LTBP1: variants seen among roughly 807,000 people sequenced by gnomAD.
The protein encoded by LTBP1 is latent-transforming growth factor beta-binding protein 1.
In LTBP1, 129 loss-of-function variants were observed where a neutral mutation model predicts 207.6. The ratio of observed to expected loss-of-function variants is 0.62; its 90% confidence interval spans 0.54 to 0.72. The LOEUF is 0.72. LTBP1 is among the 30% of genes least tolerant of loss of function. The probability of loss-of-function intolerance (pLI) is 0.00; values close to 1 mark genes in which losing one functional copy is unlikely to be tolerated. For synonymous variants in LTBP1, 963 were observed against 833.7 expected, an observed-to-expected ratio of 1.16 and a Z score of -2.67; for missense variants, 2,281 against 2,217.2, an observed-to-expected ratio of 1.03 and a Z score of -0.58.
intron 10 of LTBP1, among the ~76,000 whole-genome samples, chr2:33,249,558 T>C (rs1344919820): frequency 2.0e-5 from 3 of 152,234 alleles, no homozygotes; most frequent in Non-Finnish European, 1.5e-5. Flanking sequence ...GCCATCACCA[T>C]GGGCTGTATG....
intron 25 of LTBP1, among the ~76,000 whole-genome samples, chr2:33,345,534 A>T (rs1461604640): frequency 6.6e-6 from 1 of 152,212 alleles, no homozygotes; most frequent in Non-Finnish European, 1.5e-5. Context: ...GTGAACTGGC[A>T]ATTTCTTAAG....
intron 2 of LTBP1, among the ~76,000 whole-genome samples, chr2:32,965,144 C>A (rs1161906982): frequency 6.6e-6 from 1 of 152,116 alleles, no homozygotes; most frequent in African/African-American, 2.4e-5. Context: ...AGCAATAGCT[C>A]CATGGTCAAA....
chr2:32,955,958 T>A (rs1182747024), intron 2 of LTBP1, among the ~76,000 whole-genome samples: 1 of 152,174 alleles, frequency 6.6e-6, no homozygotes, highest in East Asian at 1.9e-4. Flanking sequence ...GAGTCACAAA[T>A]TTTTTGGTTT....
At chr2:33,008,590 A>G (rs1338608254) in intron 2 of LTBP1, among the ~76,000 whole-genome samples, 2 of 152,214 alleles carry the variant, frequency 1.3e-5, no homozygotes, top group Non-Finnish European at 2.9e-5. Context: ...GCCCTCATTC[A>G]TGCATTTACT....
chr2:32,966,960 C>T (rs964459245), intron 2 of LTBP1, among the ~76,000 whole-genome samples: 2 of 151,930 alleles, frequency 1.3e-5, no homozygotes, highest in Non-Finnish European at 2.9e-5. Context: ...ATACTTTCTC[C>T]CTGAAATGTT....
At chr2:33,076,629 C>T (rs907715774) in intron 3 of LTBP1, among the ~76,000 whole-genome samples, 6 of 152,030 alleles carry the variant, frequency 3.9e-5, no homozygotes, top group South Asian at 2.1e-4. Flanking sequence ...CTCTGCCTCC[C>T]GGGTTCAAGT....
At chr2:33,336,923 T>C (rs901807776) in intron 24 of LTBP1, among the ~76,000 whole-genome samples, 17 of 152,230 alleles carry the variant, frequency 1.1e-4, no homozygotes, top group Non-Finnish European at 1.5e-5. Context: ...TATGTACAGA[T>C]ACACATAGAC....
intron 9 of LTBP1, among the ~76,000 whole-genome samples, chr2:33,226,032 G>A (rs1171030842): frequency 2.0e-5 from 3 of 152,140 alleles, no homozygotes; most frequent in South Asian, 2.1e-4. Context: ...GACTGGTGCT[G>A]CAATAATAAG....
chr2:32,977,685 A>G (rs1321271381), intron 2 of LTBP1, among the ~76,000 whole-genome samples: 1 of 152,166 alleles, frequency 6.6e-6, no homozygotes, highest in Admixed American at 6.5e-5. Context: ...GTCCTTGTGG[A>G]AAGTGTGAAT....
intron 24 of LTBP1, among the ~76,000 whole-genome samples, chr2:33,325,734 AG>A (rs1201697670): frequency 6.6e-6 from 1 of 152,254 alleles, no homozygotes; most frequent in East Asian, 1.9e-4. Flanking sequence ...TAATACCTAA[AG>A]AACTGTTTCT....
At chr2:33,259,697 A>C in intron 13 of LTBP1, 87 bp downstream of exon 13, 2 of 1,240,216 alleles carry the variant, frequency 1.6e-6, no homozygotes, top group Non-Finnish European at 2.3e-6. Flanking sequence ...TTAGACTTAA[A>C]TATAGTAACA....
chr2:32,993,812 A>G (rs1023383240), intron 2 of LTBP1, among the ~76,000 whole-genome samples: 3 of 152,160 alleles, frequency 2.0e-5, no homozygotes, highest in Non-Finnish European at 4.4e-5. Flanking sequence ...GGCCATTGGA[A>G]CCAGCTCAGG....
At chr2:33,209,702 T>C (rs1163738098) in intron 7 of LTBP1, among the ~76,000 whole-genome samples, 1 of 152,234 alleles carries the variant, frequency 6.6e-6, no homozygotes, top group South Asian at 2.1e-4. Context: ...ACATCTCTTA[T>C]CTGTAGGCTG....
At chr2:33,095,266 A>C (rs1247622557) in intron 3 of LTBP1, among the ~76,000 whole-genome samples, 4 of 152,218 alleles carry the variant, frequency 2.6e-5, no homozygotes, top group Admixed American at 2.6e-4. Flanking sequence ...GAGAGCAATA[A>C]AAAGCAGACT....
chr2:33,021,864 C>G (rs559508385), intron 3 of LTBP1, among the ~76,000 whole-genome samples: 1 of 152,114 alleles, frequency 6.6e-6, no homozygotes, highest in African/African-American at 2.4e-5. Flanking sequence ...AAGATTACCC[C>G]GTTCTCTGAG....
intron 9 of LTBP1, among the ~76,000 whole-genome samples, chr2:33,231,570 A>G (rs1203607863): frequency 1.3e-5 from 2 of 152,196 alleles, no homozygotes; most frequent in African/African-American, 4.8e-5. Flanking sequence ...CCAAAAAAAT[A>G]CTGAGTGTGA....
At chr2:32,955,137 C>A (rs1204585646) in intron 2 of LTBP1, among the ~76,000 whole-genome samples, 2 of 152,192 alleles carry the variant, frequency 1.3e-5, no homozygotes, top group Non-Finnish European at 2.9e-5. Context: ...GTTTGAGAAA[C>A]TGATCTGGAA....
At chr2:33,126,897 A>G (rs75909909) in intron 4 of LTBP1, among the ~76,000 whole-genome samples, 5 of 152,194 alleles carry the variant, frequency 3.3e-5, no homozygotes, top group Non-Finnish European at 5.9e-5. Context: ...TCTAATTTTA[A>G]ATTAATTTAG....
At chr2:33,028,306 A>G (rs538847249) in intron 3 of LTBP1, among the ~76,000 whole-genome samples, 2 of 152,242 alleles carry the variant, frequency 1.3e-5, no homozygotes, top group Non-Finnish European at 2.9e-5. Context: ...AATAGTTAAT[A>G]TGACCAATTA....
Sources: allele counts gnomAD v4.1 joint callset (sites outside exome capture counted in the v4.1 genomes callset), GRCh38; gene constraint gnomAD v4.1.1; transcripts MANE v1.5; gene names NCBI Gene and HGNC (gene_info 2026-07-23, HGNC 2026-07-21).